Variants in ROBO1 observed in about 807,000 individuals in gnomAD.
ROBO1 encodes roundabout homolog 1.
Under a neutral mutation model 195.9 loss-of-function variants are expected in ROBO1, and 149 were observed. The observed-to-expected ratio is 0.76, with a 90% confidence interval of 0.67 to 0.87. ROBO1 has a LOEUF of 0.87. Ranked by LOEUF, ROBO1 falls within the 40% of genes least tolerant of loss-of-function variation. The pLI is 0.00. For synonymous variants in ROBO1, 816 were observed against 733.2 expected (o/e 1.11, Z -1.82); for missense variants, 1,933 against 2,068.3 (o/e 0.93, Z 1.27).
chr3:79,215,329 A>T (rs769190610), intron 2 of ROBO1, among the ~76,000 whole-genome samples: 2 of 152,000 alleles, frequency 1.3e-5, no homozygotes, highest in Admixed American at 6.6e-5. Context: ...GAAAATAGAG[A>T]TCTTCCATCT....
At chr3:78,860,101 G>C (rs2034707633) in intron 4 of ROBO1, among the ~76,000 whole-genome samples, 1 of 150,324 alleles carries the variant, frequency 6.7e-6, no homozygotes, top group Non-Finnish European at 1.5e-5. Flanking sequence ...AAGACACAAG[G>C]GGTTTTAGGA....
chr3:78,749,908 T>C (rs892807755), intron 4 of ROBO1, among the ~76,000 whole-genome samples: 3 of 152,166 alleles, frequency 2.0e-5, no homozygotes, highest in Non-Finnish European at 4.4e-5. Context: ...AAAGGTCTAA[T>C]ACTAATTTGA....
intron 2 of ROBO1, among the ~76,000 whole-genome samples, chr3:79,251,770 AAAAC>A (rs1397958942): frequency 6.6e-6 from 1 of 151,960 alleles, no homozygotes; most frequent in African/African-American, 2.4e-5. Flanking sequence ...AAGCAAACAA[AAAAC>A]AAACAAACAA....
Position 78,639,764 on chromosome 3 carries a change from A to G in ROBO1, c.3017T>C (p.Leu1006Pro), listed in dbSNP as rs764558330. 2.5e-6 allele frequency: 4 copies of G among 1,613,308 alleles called. No homozygotes were observed. Among genetic ancestry groups the G allele is most frequent in the South Asian group, 2.2e-5 (2 of 91,026 alleles). The change falls in exon 22 of 31, where the codon CTC becomes CCC. Residue 1006 changes from leucine to proline, a missense_variant. Coordinates refer to ENST00000464233, the MANE Select transcript of ROBO1 (RefSeq NM_002941.4). ...CTAACCTGGGCGACTGTAGGTAGTG[A>G]GGTTGCTGTCGCTGTTTCCATTGCC... ...TAGNGNSDSN[L>P]TTYSRPADCI...
chr3:79,355,962 A>T (rs2035537939), intron 2 of ROBO1, among the ~76,000 whole-genome samples: 1 of 152,152 alleles, frequency 6.6e-6, no homozygotes, highest in Non-Finnish European at 1.5e-5. Flanking sequence ...TAGTATTTCT[A>T]TTTATAACTT....
chr3:78,919,100 T>C (rs1323898154), intron 4 of ROBO1, among the ~76,000 whole-genome samples: 1 of 152,174 alleles, frequency 6.6e-6, no homozygotes, highest in African/African-American at 2.4e-5. Flanking sequence ...CCTACAACCC[T>C]CAGACATATA....
At chr3:78,639,602 G>T in intron 22 of ROBO1, 142 bp downstream of exon 22, 1 of 709,938 alleles carries the variant, frequency 1.4e-6, no homozygotes, top group Non-Finnish European at 2.1e-6. Context: ...CTTAAATCAG[G>T]CTATTTTGCT....
At chr3:78,946,532 T>A (rs1416639497) in intron 3 of ROBO1, among the ~76,000 whole-genome samples, 3 of 152,216 alleles carry the variant, frequency 2.0e-5, no homozygotes, top group Non-Finnish European at 4.4e-5. Flanking sequence ...GCACTAAATG[T>A]GGAAAGGAAC....
At chr3:79,379,376 A>T (rs1432025258) in intron 2 of ROBO1, among the ~76,000 whole-genome samples, 1 of 152,182 alleles carries the variant, frequency 6.6e-6, no homozygotes, top group Admixed American at 6.5e-5. Flanking sequence ...TAACATCAGC[A>T]CAGGATTAAA....
chr3:79,275,458 CTG>C (rs2030947569), intron 2 of ROBO1, among the ~76,000 whole-genome samples: 1 of 151,772 alleles, frequency 6.6e-6, no homozygotes, highest in African/African-American at 2.4e-5. Flanking sequence ...CCTCAAAAAA[CTG>C]GGTATAGATG....
intron 2 of ROBO1, among the ~76,000 whole-genome samples, chr3:79,364,840 G>T (rs2035907053): frequency 6.6e-6 from 1 of 152,118 alleles, no homozygotes; most frequent in South Asian, 2.1e-4. Context: ...CCTGCTAAAC[G>T]GGTATTTCTT....
intron 2 of ROBO1, among the ~76,000 whole-genome samples, chr3:79,577,704 T>C (rs1943531814): frequency 1.3e-5 from 2 of 148,414 alleles, no homozygotes; most frequent in African/African-American, 5.1e-5. Flanking sequence ...GAAGAAATCC[T>C]GTCTTTACTA....
intron 2 of ROBO1, among the ~76,000 whole-genome samples, chr3:79,141,467 C>T (rs2080523593): frequency 6.6e-6 from 1 of 151,982 alleles, no homozygotes; most frequent in Admixed American, 6.6e-5. Flanking sequence ...TAGCTGTGTC[C>T]AATCGAGGAC....
intron 2 of ROBO1, among the ~76,000 whole-genome samples, chr3:79,298,538 T>G (rs2032718752): frequency 6.6e-6 from 1 of 152,118 alleles, no homozygotes; most frequent in African/African-American, 2.4e-5. Context: ...TAATGAAATA[T>G]TACTTTAACA....
chr3:79,206,698 C>T (rs1001474921), intron 2 of ROBO1, among the ~76,000 whole-genome samples: 2 of 151,954 alleles, frequency 1.3e-5, no homozygotes, highest in African/African-American at 2.4e-5. Context: ...ATATCACTTC[C>T]ACTAAAAAAT....
At chr3:79,201,461 A>G (rs1042473748) in intron 2 of ROBO1, among the ~76,000 whole-genome samples, 23 of 151,976 alleles carry the variant, frequency 1.5e-4, no homozygotes, top group African/African-American at 5.3e-4. Flanking sequence ...TCCTCACAAC[A>G]ATTCTATGGG....
intron 2 of ROBO1, among the ~76,000 whole-genome samples, chr3:79,421,464 A>G (rs2038221439): frequency 6.6e-6 from 1 of 152,102 alleles, no homozygotes; most frequent in South Asian, 2.1e-4. Flanking sequence ...GGAATCTGTC[A>G]TATACTAGTG....
rs556463537 is a variant in ROBO1, at chr3:79,377,066, A to C, written c.88+212758T>G. 2.7e-3 allele frequency among the ~76,000 whole-genome samples: 401 copies of C among 150,790 alleles called. 1 individual carries two copies. Among genetic ancestry groups the C allele is most frequent in the African/African-American group, 9.3e-3 (383 of 40,998 alleles). ...CAGTAAAGGAATTAAAAAGTGAACC[A>C]GCCGAAGAAGGCAAGTTTTTCAAGC... On this transcript the variant is annotated intron_variant, in intron 2 of 30. Transcript: ENST00000464233.
At chr3:78,958,879 C>A (rs1322575905) in intron 3 of ROBO1, among the ~76,000 whole-genome samples, 1 of 145,330 alleles carries the variant, frequency 6.9e-6, no homozygotes, top group Non-Finnish European at 1.5e-5. Context: ...GGTTGGAGTG[C>A]AGTGGCGTGA....
Sources: allele counts gnomAD v4.1 joint callset (sites outside exome capture counted in the v4.1 genomes callset), GRCh38; gene constraint gnomAD v4.1.1; transcripts MANE v1.5; gene names NCBI Gene and HGNC (gene_info 2026-07-23, HGNC 2026-07-21).